Variants in RANBP2 observed in about 807,000 individuals in gnomAD.
The protein encoded by RANBP2 is E3 SUMO-protein ligase RanBP2.
In RANBP2, 57 loss-of-function variants were observed where a neutral mutation model predicts 303.6. That is an observed-to-expected ratio of 0.19 (90% CI 0.15 to 0.23). RANBP2 has a LOEUF of 0.23. Among genes scored for constraint, RANBP2 ranks in the 10% least tolerant of loss-of-function variants. The probability of loss-of-function intolerance (pLI) is 1.00; values close to 1 mark genes in which losing one functional copy is unlikely to be tolerated. For missense variants in RANBP2, 3,138 were observed against 3,780.8 expected, an observed-to-expected ratio of 0.83 and a Z score of 4.46; for synonymous variants, 1,167 against 1,301.5, an observed-to-expected ratio of 0.90 and a Z score of 2.23.
the RANBP2 span, chr2:109,604,954 T>C: frequency 1.3e-5 from 2 of 152,046 alleles, no homozygotes; most frequent in Non-Finnish European, 2.9e-5. Context: ...GGAAAGAGAA[T>C]AGGAGAGGAA....
At chr2:109,639,845 C>G in the RANBP2 span, among the ~76,000 whole-genome samples, 2 of 150,828 alleles carry the variant, frequency 1.3e-5, no homozygotes, top group African/African-American at 4.9e-5. Context: ...TGAGTAGCTG[C>G]GATTACAGGC....
chr2:109,590,762 C>T, the RANBP2 span, among the ~76,000 whole-genome samples: 2,723 of 152,236 alleles, frequency 0.018, 76 homozygotes, highest in African/African-American at 0.061. Context: ...CTGGGCACTT[C>T]CTGGCCAAAG....
the RANBP2 span, chr2:109,614,002 G>C: frequency 8.3e-7 from 1 of 1,200,792 alleles, no homozygotes; most frequent in Non-Finnish European, 1.0e-6. Context: ...CTCCGGGGGC[G>C]GGGTTGGGGC....
At chr2:109,200,284 G>C in the RANBP2 span, among the ~76,000 whole-genome samples, 1 of 152,118 alleles carries the variant, frequency 6.6e-6, no homozygotes, top group African/African-American at 2.4e-5. Flanking sequence ...TTCTCAGTGG[G>C]CGTCTGTTTG....
chr2:109,739,606 G>A, the RANBP2 span, among the ~76,000 whole-genome samples: 4 of 152,216 alleles, frequency 2.6e-5, no homozygotes, highest in Non-Finnish European at 5.9e-5. Flanking sequence ...TTGTTTGTCA[G>A]TTCTATTAGA....
chr2:109,357,941 A>G, the RANBP2 span, among the ~76,000 whole-genome samples: 1 of 152,152 alleles, frequency 6.6e-6, no homozygotes, highest in Admixed American at 6.5e-5. Flanking sequence ...CTCTAAGCCT[A>G]TAGTCACTCT....
At chr2:109,305,977 G>A in the RANBP2 span, among the ~76,000 whole-genome samples, 1 of 152,332 alleles carries the variant, frequency 6.6e-6, no homozygotes, top group African/African-American at 2.4e-5. Context: ...GGTATTTAGT[G>A]AGCACAGTAG....
the RANBP2 span, among the ~76,000 whole-genome samples, chr2:109,591,180 T>G: frequency 6.6e-6 from 1 of 152,360 alleles, no homozygotes; most frequent in South Asian, 2.1e-4. Flanking sequence ...ACTAGGCTTC[T>G]TCCTCGTGAA....
chr2:108,771,951 C>T (rs1677534042), intron 21 of RANBP2, 80 bp downstream of exon 21: 3 of 1,556,150 alleles, frequency 1.9e-6, no homozygotes, highest in South Asian at 2.2e-5. Context: ...TTATTTTAAG[C>T]CTGCCTCTTA....
At chr2:109,479,284 GACTT>G in the RANBP2 span, among the ~76,000 whole-genome samples, 1 of 152,160 alleles carries the variant, frequency 6.6e-6, no homozygotes, top group Non-Finnish European at 1.5e-5. Flanking sequence ...ACGGTCCTGT[GACTT>G]AGTTAGGGGA....
chr2:109,472,099 A>G, the RANBP2 span, among the ~76,000 whole-genome samples: 1 of 152,252 alleles, frequency 6.6e-6, no homozygotes, highest in Non-Finnish European at 1.5e-5. Context: ...ATTATTAATT[A>G]GATTGTTAAT....
At chr2:108,743,312 C>G (rs1160840520) in intron 7 of RANBP2, among the ~76,000 whole-genome samples, 1 of 152,148 alleles carries the variant, frequency 6.6e-6, no homozygotes, top group Non-Finnish European at 1.5e-5. Flanking sequence ...TCTTGTTGCT[C>G]TGGCTGGAGT....
the RANBP2 span, chr2:108,813,013 G>A: frequency 9.8e-7 from 1 of 1,022,030 alleles, no homozygotes; most frequent in Non-Finnish European, 1.5e-6. Context: ...ACTTTGGGAG[G>A]CTGAGATGGG....
the RANBP2 span, among the ~76,000 whole-genome samples, chr2:109,456,029 G>A: frequency 6.6e-6 from 1 of 152,186 alleles, no homozygotes; most frequent in African/African-American, 2.4e-5. Context: ...GAGCCCCTTG[G>A]CCCATGCTCT....
At chr2:109,012,657 G>A in the RANBP2 span, among the ~76,000 whole-genome samples, 1 of 152,202 alleles carries the variant, frequency 6.6e-6, no homozygotes, top group Non-Finnish European at 1.5e-5. Context: ...GCTCACGCCT[G>A]TAATCCCAGC....
chr2:109,249,561 TTCCTTCCTTCCTTCCTTCCTTC>T, the RANBP2 span, among the ~76,000 whole-genome samples: 4 of 138,436 alleles, frequency 2.9e-5, no homozygotes, highest in Admixed American at 7.2e-5. Flanking sequence ...CCTTCCTTCC[TTCCTTCCTTCCTTCCTTCCTTC>T]CTTTCCTTTC....
chr2:109,512,120 A>C, the RANBP2 span, among the ~76,000 whole-genome samples: 1 of 152,102 alleles, frequency 6.6e-6, no homozygotes, highest in Non-Finnish European at 1.5e-5. Flanking sequence ...TCAACATCCA[A>C]ACACTTTTAG....
At chr2:108,963,371 C>T in the RANBP2 span, among the ~76,000 whole-genome samples, 3 of 152,006 alleles carry the variant, frequency 2.0e-5, no homozygotes, top group Non-Finnish European at 2.9e-5. Context: ...TGCCTAGAGC[C>T]GACGTTCTAA....
At chr2:109,484,072 T>C in the RANBP2 span, among the ~76,000 whole-genome samples, 1 of 148,810 alleles carries the variant, frequency 6.7e-6, no homozygotes, top group East Asian at 2.0e-4. Context: ...CCTTTCTTTT[T>C]TTTTTTTTTT....
Sources: gnomAD v4.1 joint callset for allele counts (sites outside exome capture counted in the v4.1 genomes callset) on GRCh38, gnomAD v4.1.1 for gene constraint, MANE v1.5 for transcripts, NCBI Gene and HGNC (gene_info 2026-07-23, HGNC 2026-07-21) for gene names.